Variants in NFIA observed in about 807,000 individuals in gnomAD.
NFIA encodes nuclear factor 1 A-type.
Under a neutral mutation model 62.8 loss-of-function variants are expected in NFIA, and 8 were observed. That is an observed-to-expected ratio of 0.13 (90% CI 0.07 to 0.23). The LOEUF is 0.23. Ranked by LOEUF, NFIA falls within the 10% of genes least tolerant of loss-of-function variation. The pLI is 1.00. For missense variants in NFIA, 410 were observed against 642.1 expected (o/e 0.64, Z 3.91); for synonymous variants, 235 against 238.1 (o/e 0.99, Z 0.12).
chr1:61,172,372 C>A (rs1181288575), intron 2 of NFIA, among the ~76,000 whole-genome samples: 1 of 152,132 alleles, frequency 6.6e-6, no homozygotes, highest in Non-Finnish European at 1.5e-5. Flanking sequence ...TTTTAAAATA[C>A]AAATTTAAAG....
intron 5 of NFIA, among the ~76,000 whole-genome samples, 189 bp downstream of exon 5, chr1:61,352,756 TACACACACACAC>T (rs10544967): frequency 1.3e-5 from 2 of 150,456 alleles, no homozygotes; most frequent in African/African-American, 4.9e-5. Context: ...CAAGATTAAA[TACACACACACAC>T]ACACACACAC....
At position 61,277,310 on chromosome 1, in the gene NFIA, C is replaced by T. The variant is rs143437746; in HGVS notation, c.560-210C>T. 3.0e-4 allele frequency among the ~76,000 whole-genome samples: 45 copies of T among 152,268 alleles called. 1 individual carries two copies. Among genetic ancestry groups the T allele is most frequent in the East Asian group, 3.9e-4 (2 of 5,194 alleles). On this transcript the variant is annotated intron_variant, in intron 2 of 10. Coordinates refer to ENST00000403491, the MANE Select transcript of NFIA (RefSeq NM_001134673.4). ...AATGCCACCGTAGGTGTCCGCAAACCGGAGCGTCCTCTCTAAAGGCACAGG... is the reference window on the plus strand; with the variant it reads ...AATGCCACCGTAGGTGTCCGCAAACTGGAGCGTCCTCTCTAAAGGCACAGG...
intron 7 of NFIA, among the ~76,000 whole-genome samples, chr1:61,388,566 T>G (rs1664814864): frequency 6.6e-6 from 1 of 152,204 alleles, no homozygotes; most frequent in South Asian, 2.1e-4. Context: ...ATTAAGAAGA[T>G]AGTGAATGAT....
At chr1:61,374,610 G>A (rs948085235) in intron 6 of NFIA, among the ~76,000 whole-genome samples, 4 of 152,000 alleles carry the variant, frequency 2.6e-5, no homozygotes, top group South Asian at 2.1e-4. Context: ...AGAACTCATC[G>A]TTTCTTTCCC....
intron 2 of NFIA, among the ~76,000 whole-genome samples, chr1:61,119,928 T>C (rs1646860417): frequency 6.6e-6 from 1 of 152,178 alleles, no homozygotes. Context: ...GTTTGAAAAA[T>C]AAACATTTGA....
chr1:61,179,837 A>AT (rs1438992064), intron 2 of NFIA, among the ~76,000 whole-genome samples: 1 of 152,076 alleles, frequency 6.6e-6, no homozygotes, highest in Non-Finnish European at 1.5e-5. Context: ...GTGAAAGTTG[A>AT]TTTTGATTGG....
intron 2 of NFIA, among the ~76,000 whole-genome samples, chr1:61,095,338 T>G (rs934264122): frequency 1.3e-5 from 2 of 152,222 alleles, no homozygotes; most frequent in African/African-American, 4.8e-5. Flanking sequence ...TATGAATTAG[T>G]AATGCACTCT....
chr1:61,446,865 C>G (rs757916191), intron 10 of NFIA, among the ~76,000 whole-genome samples: 1 of 152,128 alleles, frequency 6.6e-6, no homozygotes, highest in Non-Finnish European at 1.5e-5. Flanking sequence ...CGAGGAGGCA[C>G]GGAGTAGAAT....
chr1:61,268,553 T>C (rs1330203177), intron 2 of NFIA, among the ~76,000 whole-genome samples: 1 of 152,148 alleles, frequency 6.6e-6, no homozygotes, highest in African/African-American at 2.4e-5. Flanking sequence ...CTTGAGGCCT[T>C]AACCTTACTT....
chr1:61,360,133 A>G (rs557032866), intron 6 of NFIA, among the ~76,000 whole-genome samples: 1 of 152,276 alleles, frequency 6.6e-6, no homozygotes, highest in East Asian at 1.9e-4. Context: ...TCTGATCTGT[A>G]CTAAACTGAA....
intron 3 of NFIA, among the ~76,000 whole-genome samples, chr1:61,284,760 G>T (rs1658375266): frequency 6.6e-6 from 1 of 152,010 alleles, no homozygotes; most frequent in Admixed American, 6.6e-5. Flanking sequence ...CTGACTGGGT[G>T]GTCTGTTTCA....
chr1:61,342,175 G>A (rs1661957392), intron 4 of NFIA, among the ~76,000 whole-genome samples: 1 of 151,740 alleles, frequency 6.6e-6, no homozygotes, highest in Non-Finnish European at 1.5e-5. Context: ...AAAGTTATTG[G>A]TGGAAATATT....
At chr1:61,316,476 G>C (rs1660372216) in intron 3 of NFIA, among the ~76,000 whole-genome samples, 1 of 152,090 alleles carries the variant, frequency 6.6e-6, no homozygotes, top group East Asian at 1.9e-4. Context: ...ATGTGTGAGG[G>C]CATTTTTGGT....
At chr1:61,295,231 A>C (rs531685731) in intron 3 of NFIA, among the ~76,000 whole-genome samples, 5 of 152,308 alleles carry the variant, frequency 3.3e-5, no homozygotes, top group African/African-American at 1.2e-4. Flanking sequence ...AAAGTGTGAG[A>C]GAAATACTCA....
chr1:61,403,230 C>T (rs1266405793), intron 7 of NFIA, among the ~76,000 whole-genome samples: 1 of 152,212 alleles, frequency 6.6e-6, no homozygotes, highest in Non-Finnish European at 1.5e-5. Context: ...TATCTGCAAC[C>T]TTCCCATGCA....
At chr1:61,300,531 A>G (rs975719599) in intron 3 of NFIA, among the ~76,000 whole-genome samples, 1 of 152,104 alleles carries the variant, frequency 6.6e-6, no homozygotes, top group African/African-American at 2.4e-5. Context: ...AAATTTATTT[A>G]AAATAATTCT....
chr1:61,153,439 A>G lies in NFIA; in HGVS notation c.559+64759A>G, dbSNP rs780722567. ...TCTAACTTTCAACCCTTTTATCATC[A>G]AGGACCTCAACTATTATTTTTTGTT... On this transcript the variant is annotated intron_variant, in intron 2 of 10. Transcript: ENST00000403491. 4.8e-4 allele frequency among the ~76,000 whole-genome samples: 73 copies of G among 152,336 alleles called. 1 individual carries two copies. Among genetic ancestry groups the G allele is most frequent in the Non-Finnish European group, 9.7e-4 (66 of 68,028 alleles).
chr1:61,394,187 C>G (rs1236043165), intron 7 of NFIA, among the ~76,000 whole-genome samples: 1 of 152,066 alleles, frequency 6.6e-6, no homozygotes, highest in African/African-American at 2.4e-5. Context: ...CCCTCTGCCC[C>G]ACCCAAGACA....
rs543738550 is a variant in NFIA, at chr1:61,108,130, C to T, written c.559+19450C>T. Among the ~76,000 whole-genome samples the T allele has an allele frequency of 3.3e-5, 5 of 151,806 alleles. No individual in the cohort carries two copies. In the East Asian group the frequency reaches 9.7e-4, roughly 29 times the overall value. ...TTTTTTAGTTATTCTTTACCCCTCA[C>T]TATTCCATATATATCATGGCATTAC... On this transcript the variant is annotated intron_variant, in intron 2 of 10. Coordinates refer to ENST00000403491, the MANE Select transcript of NFIA (RefSeq NM_001134673.4).
Sources: allele counts gnomAD v4.1 joint callset (sites outside exome capture counted in the v4.1 genomes callset), GRCh38; gene constraint gnomAD v4.1.1; transcripts MANE v1.5; gene names NCBI Gene and HGNC (gene_info 2026-07-23, HGNC 2026-07-21).